SV2C: variants seen among roughly 807,000 people sequenced by gnomAD.
The protein encoded by SV2C is solute carrier family 22 member B3.
SV2C carries 49 observed loss-of-function variants against 79.7 expected under a neutral mutation model. The ratio of observed to expected loss-of-function variants is 0.61; its 90% CI spans 0.49 to 0.78. The LOEUF is 0.78. Ranked by LOEUF, SV2C falls within the 30% of genes least tolerant of loss-of-function variation. The pLI, the probability that SV2C is intolerant of heterozygous loss-of-function variation, is 0.00. For synonymous variants in SV2C, 334 were observed against 333.2 expected (o/e 1.00, Z -0.03); for missense variants, 833 against 912.9 (o/e 0.91, Z 1.13).
At chr5:76,335,384 A>C (rs2937739), downstream of SV2C, among the ~76,000 whole-genome samples, 68,965 of 135,950 alleles carry the variant, frequency 0.51, 17,756 homozygotes, top group Non-Finnish European at 0.6. Flanking sequence ...CCTATTCCTT[A>C]TTTAAGAAAA....
At chr5:75,965,261 A>G in the SV2C span, among the ~76,000 whole-genome samples, 1 of 152,192 alleles carries the variant, frequency 6.6e-6, no homozygotes, top group African/African-American at 2.4e-5. Context: ...AGGATCTCAC[A>G]AAGTGAACTC....
At position 76,327,958 on chromosome 5, in the gene SV2C, T is replaced by C. The variant is rs1749060122; in HGVS notation, c.*2411T>C. On this transcript the variant is annotated 3_prime_UTR_variant, in exon 13 of 13. Coordinates refer to ENST00000502798, the MANE Select transcript of SV2C (RefSeq NM_014979.4). ...TACTTGTTACCTAATCCAAGCATCC[T>C]TGGTGGCCTAAGAGGGATCTTTTCT... is the stretch of plus-strand genomic sequence containing the variant. 6.6e-6 allele frequency: 1 copy of C among 152,228 alleles called. No homozygotes were observed. The highest frequency in any genetic ancestry group is 2.1e-4 in the South Asian group (1 of 4,830). 9.4% of individuals were successfully genotyped at this position (152,228 alleles called of 1,614,324 possible).
downstream of SV2C, among the ~76,000 whole-genome samples, chr5:76,335,414 CTTTTTTTTTTT>C (rs869230352): frequency 6.1e-5 from 6 of 98,124 alleles, no homozygotes; most frequent in African/African-American, 2.4e-4. Flanking sequence ...ACACATTTTC[CTTTTTTTTTTT>C]TTTTTTTTTT....
chr5:76,159,635 A>G (rs1487780835), intron 2 of SV2C, among the ~76,000 whole-genome samples: 1 of 151,944 alleles, frequency 6.6e-6, no homozygotes, highest in Non-Finnish European at 1.5e-5. Context: ...TGGTTTGTAG[A>G]TGCATCACTC....
rs1405543758 is a variant in SV2C, at chr5:76,328,579, G to A, written c.*3032G>A. The A allele has an allele frequency of 6.6e-6, 1 of 152,154 alleles. No individual in the cohort carries two copies. Among genetic ancestry groups the A allele is most frequent in the East Asian group, 1.9e-4 (1 of 5,192 alleles). The allele number at this position is 152,154 out of a possible 1,614,324, so 9.4% of individuals were successfully genotyped here. A position where few individuals can be genotyped will look rare whatever the true frequency, so the allele number is the denominator to read the frequency against. ...AGACGCGATAGATGGGTCCTAGCCT[G>A]ACCTTCACCACTAAGCGGTACAGGG... On this transcript the variant is annotated 3_prime_UTR_variant, in exon 13 of 13. Coordinates refer to ENST00000502798, the MANE Select transcript of SV2C (RefSeq NM_014979.4).
chr5:75,857,256 C>T, the SV2C span, among the ~76,000 whole-genome samples: 68 of 152,114 alleles, frequency 4.5e-4, no homozygotes, highest in Middle Eastern at 3.4e-3. Context: ...CGCGCCCGGC[C>T]GTCTTTAATC....
the SV2C span, among the ~76,000 whole-genome samples, chr5:76,031,045 A>G: frequency 6.6e-6 from 1 of 151,958 alleles, no homozygotes; most frequent in Non-Finnish European, 1.5e-5. Context: ...TCAGCATATC[A>G]TGATATTTTT....
the SV2C span, among the ~76,000 whole-genome samples, chr5:75,990,917 C>G: frequency 6.6e-6 from 1 of 151,970 alleles, no homozygotes; most frequent in Admixed American, 6.6e-5. Context: ...ATGAGAAGGG[C>G]AGATTTCTCC....
chr5:76,187,828 C>T (rs924310016), intron 2 of SV2C, among the ~76,000 whole-genome samples: 3 of 151,468 alleles, frequency 2.0e-5, no homozygotes, highest in African/African-American at 7.3e-5. Flanking sequence ...CTTTTCAGAA[C>T]TTGAGTTAAG....
chr5:76,296,599 A>T (rs1747775459), intron 9 of SV2C, among the ~76,000 whole-genome samples: 1 of 152,198 alleles, frequency 6.6e-6, no homozygotes, highest in Admixed American at 6.5e-5. Context: ...GTTTATATCC[A>T]AGTATTTTTG....
At chr5:76,291,112 C>A in intron 6 of SV2C, 109 bp from the exon 7 acceptor site, 2 of 644,788 alleles carry the variant, frequency 3.1e-6, no homozygotes, top group South Asian at 2.1e-5. Flanking sequence ...CCAAATACCG[C>A]CTACTTCTTG....
At chr5:76,296,811 G>A (rs1747785603) in intron 9 of SV2C, among the ~76,000 whole-genome samples, 1 of 152,166 alleles carries the variant, frequency 6.6e-6, no homozygotes, top group Admixed American at 6.5e-5. Flanking sequence ...TAACTAGGAG[G>A]TAATTGTTCA....
intron 2 of SV2C, chr5:76,170,886 C>G: frequency 5.3e-6 from 2 of 375,428 alleles, no homozygotes; most frequent in Middle Eastern, 1.1e-3. Context: ...AGTGCGGAGC[C>G]GGGACAGTCG....
rs561541115 is a variant in SV2C at position 76,329,439 on chromosome 5, T to A, written c.*3892T>A. 5.3e-5 allele frequency: 8 copies of A among 152,366 alleles called. No individual in the cohort carries two copies. The East Asian group carries it at 1.5e-3, about 29-fold the overall frequency. The allele number at this position is 152,366 out of a possible 1,614,324, so 9.4% of individuals were successfully genotyped here. A position where few individuals can be genotyped will look rare whatever the true frequency, so the allele number is the denominator to read the frequency against. ...AACAGTTTTTCAGTGATTTTACCTA[T>A]ATTGGCAAATAGACAAATCTCACCA... On this transcript the variant is annotated 3_prime_UTR_variant, in exon 13 of 13. Transcript: ENST00000502798.
At chr5:76,200,910 T>C (rs931793384) in intron 3 of SV2C, among the ~76,000 whole-genome samples, 1 of 152,256 alleles carries the variant, frequency 6.6e-6, no homozygotes. Flanking sequence ...TCCAAAGTGC[T>C]GGGATTGCAG....
chr5:75,948,396 C>T, the SV2C span, among the ~76,000 whole-genome samples: 1 of 152,022 alleles, frequency 6.6e-6, no homozygotes, highest in African/African-American at 2.4e-5. Flanking sequence ...ATGCTAGCCA[C>T]CATTAAGACA....
chr5:76,181,727 C>A (rs2112301028), intron 2 of SV2C, among the ~76,000 whole-genome samples: 1 of 152,290 alleles, frequency 6.6e-6, no homozygotes, highest in East Asian at 1.9e-4. Context: ...CACTTCCCAC[C>A]AGGCCCCACC....
chr5:76,160,885 G>A (rs1436942506), intron 2 of SV2C, among the ~76,000 whole-genome samples: 1 of 152,144 alleles, frequency 6.6e-6, no homozygotes, highest in African/African-American at 2.4e-5. Flanking sequence ...AATAAGAAGT[G>A]TTGGCAAGGA....
In SV2C at chr5:76,291,232, A is replaced by T; in HGVS notation, c.1149A>T (p.Ile383=). 1 of 1,610,360 alleles carries T rather than the reference A, an allele frequency of 6.2e-7. No individual in the cohort carries two copies. The highest frequency in any genetic ancestry group is 8.5e-7 in the Non-Finnish European group (1 of 1,178,672). Residue 383 remains isoleucine (I), a synonymous_variant, in exon 7 of 13, where the codon ATA becomes ATT. Transcript: ENST00000502798. ...QPEKVFTVNK[I]KTPKQIDELI... ...GTTTCTCTCTACAGGTAAACAAAAT[A>T]AAAACTCCTAAACAAATAGATGAGC...
Sources: gnomAD v4.1 joint callset for allele counts (sites outside exome capture counted in the v4.1 genomes callset) on GRCh38, gnomAD v4.1.1 for gene constraint, MANE v1.5 for transcripts, NCBI Gene and HGNC (gene_info 2026-07-23, HGNC 2026-07-21) for gene names.